MRPS35: variants seen among roughly 807,000 people sequenced by gnomAD.
MRPS35 encodes mitochondrial ribosomal protein S35.
MRPS35 carries 29 observed loss-of-function variants against 32.7 expected under a neutral mutation model. The ratio of observed to expected loss-of-function variants is 0.89; its 90% CI spans 0.66 to 1.21. The LOEUF is 1.21. Ranked by LOEUF, MRPS35 falls within the 50% of genes most tolerant of loss-of-function variation. The pLI is 0.00. For missense variants in MRPS35, 373 were observed against 383.8 expected (o/e 0.97, Z 0.23); for synonymous variants, 148 against 139.3 (o/e 1.06, Z -0.44).
At chr12:27,740,708 C>G (rs1474751053) in intron 7 of MRPS35, among the ~76,000 whole-genome samples, 1 of 152,188 alleles carries the variant, frequency 6.6e-6, no homozygotes, top group Admixed American at 6.5e-5. Context: ...AAGGATATTA[C>G]TGTTGTATAC....
intron 7 of MRPS35, among the ~76,000 whole-genome samples, chr12:27,739,324 A>G (rs1347267278): frequency 6.6e-6 from 1 of 152,232 alleles, no homozygotes; most frequent in African/African-American, 2.4e-5. Flanking sequence ...TTGAATAGGT[A>G]GTTAAATTCC....
At chr12:27,713,612 T>G (rs1227458537) in intron 1 of MRPS35, among the ~76,000 whole-genome samples, 1 of 152,132 alleles carries the variant, frequency 6.6e-6, no homozygotes, top group Non-Finnish European at 1.5e-5. Flanking sequence ...TCATCTGCCT[T>G]TTTGTTCTTT....
chr12:27,753,181 G>C (rs1386982180), intron 7 of MRPS35, among the ~76,000 whole-genome samples: 2 of 152,124 alleles, frequency 1.3e-5, no homozygotes, highest in South Asian at 4.1e-4. Context: ...TGCAGGAATT[G>C]TAAGTGCAAA....
chr12:27,744,175 A>T (rs1018839721), intron 7 of MRPS35, among the ~76,000 whole-genome samples: 3 of 152,206 alleles, frequency 2.0e-5, no homozygotes, highest in Admixed American at 1.3e-4. Flanking sequence ...TGTCTTAGTC[A>T]TGGATTGTTC....
chr12:27,756,242 C>G lies in MRPS35; in HGVS notation c.*792C>G, dbSNP rs536975386. 6.6e-6 allele frequency: 1 copy of G among 152,218 alleles called. No homozygotes were observed. The highest frequency in any genetic ancestry group is 1.5e-5 in the Non-Finnish European group (1 of 68,038). The allele number at this position is 152,218 out of a possible 1,614,324, so 9.4% of individuals were successfully genotyped here. On this transcript the variant is annotated 3_prime_UTR_variant, in exon 8 of 8. Transcript: ENST00000081029. Reference sequence around the variant, plus strand: ...AGTACACCTGTCAGCTGTTTCTTACCACTTCGATGGTTGTGATTAATTTAA... The same window carrying G: ...AGTACACCTGTCAGCTGTTTCTTACGACTTCGATGGTTGTGATTAATTTAA...
At chr12:27,741,244 G>T (rs1341600035) in intron 7 of MRPS35, among the ~76,000 whole-genome samples, 1 of 152,086 alleles carries the variant, frequency 6.6e-6, no homozygotes, top group Non-Finnish European at 1.5e-5. Context: ...TTAGTATTAC[G>T]TATTGTTAGC....
chr12:27,727,296 CAT>C (rs1476100566), intron 5 of MRPS35, among the ~76,000 whole-genome samples: 2 of 152,108 alleles, frequency 1.3e-5, no homozygotes, highest in Non-Finnish European at 2.9e-5. Context: ...TTATGTAAGT[CAT>C]GTGCTGCATA....
intron 7 of MRPS35, among the ~76,000 whole-genome samples, chr12:27,742,144 G>A (rs994443153): frequency 2.6e-5 from 4 of 152,114 alleles, no homozygotes; most frequent in Non-Finnish European, 4.4e-5. Context: ...CTAAGAGTTC[G>A]TTTTAAAGGG....
At chr12:27,714,008 G>T (rs1002163602) in intron 1 of MRPS35, among the ~76,000 whole-genome samples, 8 of 149,954 alleles carry the variant, frequency 5.3e-5, no homozygotes, top group African/African-American at 2.0e-4. Flanking sequence ...CTGGTAGTTC[G>T]AGGCTGCAGT....
intron 5 of MRPS35, among the ~76,000 whole-genome samples, chr12:27,727,500 G>A (rs1304633591): frequency 2.0e-5 from 3 of 152,096 alleles, no homozygotes; most frequent in African/African-American, 7.3e-5. Context: ...ACTATACCAT[G>A]TAGTCTAGGT....
chr12:27,747,387 T>C (rs2140781635), intron 7 of MRPS35, among the ~76,000 whole-genome samples: 1 of 152,344 alleles, frequency 6.6e-6, no homozygotes, highest in South Asian at 2.1e-4. Context: ...ACAAGGAGTA[T>C]ATATTCATTC....
intron 7 of MRPS35, among the ~76,000 whole-genome samples, chr12:27,744,402 T>C (rs2061974989): frequency 6.6e-6 from 1 of 152,066 alleles, no homozygotes; most frequent in Admixed American, 6.6e-5. Context: ...GAGACCAGCC[T>C]GGCCAACACA....
intron 5 of MRPS35, among the ~76,000 whole-genome samples, chr12:27,724,920 T>C (rs938010780): frequency 6.6e-6 from 1 of 152,118 alleles, no homozygotes; most frequent in Non-Finnish European, 1.5e-5. Context: ...ATATTAAACA[T>C]TCTTTAATTT....
intron 2 of MRPS35, 134 bp from the exon 3 acceptor site, chr12:27,716,157 A>C (rs1184606854): frequency 1.4e-6 from 1 of 720,924 alleles, no homozygotes; most frequent in Non-Finnish European, 2.1e-6. Flanking sequence ...GCATTGTGGG[A>C]GGTCAGATTT....
chr12:27,713,513 A>G (rs2061836334), intron 1 of MRPS35, among the ~76,000 whole-genome samples: 1 of 151,994 alleles, frequency 6.6e-6, no homozygotes, highest in Non-Finnish European at 1.5e-5. Flanking sequence ...CTGGAGTCCA[A>G]AGGCTGGAGC....
intron 3 of MRPS35, among the ~76,000 whole-genome samples, chr12:27,716,833 C>T (rs2061853214): frequency 6.6e-6 from 1 of 152,016 alleles, no homozygotes; most frequent in Non-Finnish European, 1.5e-5. Flanking sequence ...ACTAAAAACA[C>T]ACAAAAAATT....
At position 27,755,947 on chromosome 12, in the gene MRPS35, C is replaced by T. The variant is rs976939058; in HGVS notation, c.*497C>T. 6.6e-6 allele frequency: 1 copy of T among 152,222 alleles called. No individual in the cohort carries two copies. Among genetic ancestry groups the T allele is most frequent in the Non-Finnish European group, 1.5e-5 (1 of 68,060 alleles). The allele number at this position is 152,222 out of a possible 1,614,324, so 9.4% of individuals were successfully genotyped here. A position where few individuals can be genotyped will look rare whatever the true frequency, so the allele number is the denominator to read the frequency against. On this transcript the variant is annotated 3_prime_UTR_variant, in exon 8 of 8. Transcript: ENST00000081029. ...ACAGGTCCTCAGGAGTATTCTCTAA[C>T]CTGATATTTTCTAAAAAGATATGTT...
chr12:27,733,318 T>C (rs904335509), intron 5 of MRPS35, among the ~76,000 whole-genome samples: 1 of 152,162 alleles, frequency 6.6e-6, no homozygotes, highest in Non-Finnish European at 1.5e-5. Flanking sequence ...CATATAGTTA[T>C]TGAACATTAA....
intron 5 of MRPS35, among the ~76,000 whole-genome samples, chr12:27,734,426 G>C (rs1370898217): frequency 6.6e-6 from 1 of 151,966 alleles, no homozygotes; most frequent in Non-Finnish European, 1.5e-5. Context: ...ATTTTTAGTA[G>C]AGATGGGTAT....
Sources: allele counts gnomAD v4.1 joint callset (sites outside exome capture counted in the v4.1 genomes callset), GRCh38; gene constraint gnomAD v4.1.1; transcripts MANE v1.5; gene names NCBI Gene and HGNC (gene_info 2026-07-23, HGNC 2026-07-21).